The following CAMTA1 variants were observed in gnomAD, a reference collection of about 807,000 sequenced individuals.
CAMTA1 encodes the protein calmodulin binding transcription activator 1.
CAMTA1 carries 27 observed loss-of-function variants against 170.9 expected under a neutral mutation model. The ratio of observed to expected loss-of-function variants is 0.16; its 90% confidence interval spans 0.12 to 0.22. The LOEUF is 0.22. CAMTA1 is among the 10% of genes least tolerant of loss of function. The pLI is 1.00. For synonymous variants in CAMTA1, 833 were observed against 891.5 expected (o/e 0.93, Z 1.17); for missense variants, 1,619 against 2,217.2 (o/e 0.73, Z 5.42).
chr1:6,855,579 C>T (rs750812479), intron 3 of CAMTA1, among the ~76,000 whole-genome samples: 1 of 151,870 alleles, frequency 6.6e-6, no homozygotes, highest in African/African-American at 2.4e-5. Context: ...TGAAGGTGCA[C>T]CCCCATGATC....
chr1:6,797,217 G>A (rs909070910), intron 1 of CAMTA1, among the ~76,000 whole-genome samples: 3 of 152,034 alleles, frequency 2.0e-5, no homozygotes, highest in Admixed American at 1.3e-4. Context: ...CTATAGGTGC[G>A]TGCCACCATG....
At chr1:7,507,159 CACA>C (rs2094130599) in intron 6 of CAMTA1, among the ~76,000 whole-genome samples, 1 of 151,318 alleles carries the variant, frequency 6.6e-6, no homozygotes, top group Non-Finnish European at 1.5e-5. Flanking sequence ...CCCACACTCA[CACA>C]ACACACACGC....
intron 3 of CAMTA1, among the ~76,000 whole-genome samples, chr1:6,958,861 A>G (rs146652633): frequency 6.6e-6 from 1 of 152,308 alleles, no homozygotes; most frequent in African/African-American, 2.4e-5. Context: ...TTAAGCGGAT[A>G]GTAAAATTAA....
chr1:7,418,080 C>T (rs774236390), intron 5 of CAMTA1, among the ~76,000 whole-genome samples: 3 of 147,654 alleles, frequency 2.0e-5, no homozygotes, highest in Non-Finnish European at 3.0e-5. Context: ...GTTTCCAAGA[C>T]ACCACCTTCT....
rs915970840 is a variant in CAMTA1, at chr1:7,681,376, G to A, written c.2914+3643G>A. Among the ~76,000 whole-genome samples, 1 of 152,220 alleles carries A rather than the reference G, an allele frequency of 6.6e-6. No individual in the cohort carries two copies. The highest frequency in any genetic ancestry group is 1.5e-5 in the Non-Finnish European group (1 of 68,034). On this transcript the variant is annotated intron_variant, in intron 11 of 22. Transcript: ENST00000303635. This position sits in a 1 kb window ranked among gnomAD's most constrained non-coding sequence, Gnocchi z 4.6. ...TGGTGAGACCTGAAGCCTGAGCAGG[G>A]TTAGCCCGGGAAGAGGGGGCATCAA...
intron 11 of CAMTA1, among the ~76,000 whole-genome samples, chr1:7,704,473 C>G (rs1284309596): frequency 6.9e-6 from 1 of 145,982 alleles, no homozygotes; most frequent in Non-Finnish European, 1.5e-5. Flanking sequence ...GCCCGGCTCT[C>G]GCGCGGGGAC....
intron 3 of CAMTA1, among the ~76,000 whole-genome samples, chr1:6,960,803 A>C (rs1690264379): frequency 6.6e-6 from 1 of 152,174 alleles, no homozygotes; most frequent in South Asian, 2.1e-4. Flanking sequence ...TGGATGGTTT[A>C]ATTTGATTTC....
intron 5 of CAMTA1, among the ~76,000 whole-genome samples, chr1:7,327,759 C>T (rs2082779369): frequency 6.6e-6 from 1 of 152,324 alleles, no homozygotes; most frequent in Admixed American, 6.5e-5. Flanking sequence ...TTTTTTCTTA[C>T]ATCTCAGACC....
intron 4 of CAMTA1, among the ~76,000 whole-genome samples, chr1:7,203,308 C>T (rs887130618): frequency 1.3e-5 from 2 of 152,010 alleles, no homozygotes; most frequent in South Asian, 2.1e-4. Flanking sequence ...GAATAATTTT[C>T]TTATAATGTT....
At chr1:7,370,412 C>T (rs905359866) in intron 5 of CAMTA1, 3 of 152,164 alleles carry the variant, frequency 2.0e-5, no homozygotes, top group African/African-American at 7.2e-5. Flanking sequence ...CTGCTACAAT[C>T]CAAAGACTTT....
chr1:6,840,412 G>T (rs905651647), intron 3 of CAMTA1, among the ~76,000 whole-genome samples: 1 of 152,172 alleles, frequency 6.6e-6, no homozygotes, highest in African/African-American at 2.4e-5. Flanking sequence ...GAGGGAGTGA[G>T]AAGTGGATGT....
At chr1:7,548,266 G>C (rs1294043153) in intron 6 of CAMTA1, among the ~76,000 whole-genome samples, 3 of 152,172 alleles carry the variant, frequency 2.0e-5, no homozygotes, top group Non-Finnish European at 4.4e-5. Flanking sequence ...GTTTCCAGCA[G>C]CTCCTTTGCC....
rs908314630 is a variant in CAMTA1 at position 7,654,372 on chromosome 1, CCT to C, written c.665-7353_665-7352del. Among the ~76,000 whole-genome samples, 11 of 151,706 alleles carry C rather than the reference CCT, an allele frequency of 7.3e-5. No homozygotes were observed. The East Asian group carries it at 1.5e-3, about 21-fold the overall frequency. ...TCCAGCCTGGGTGACAGAGTGAGAC[CCT>C]GTCTCAAAAAATAAATAAATAAATA... is the stretch of plus-strand genomic sequence containing the variant. On this transcript the variant is annotated intron_variant, in intron 7 of 22. Coordinates refer to ENST00000303635, the MANE Select transcript of CAMTA1 (RefSeq NM_015215.4).
chr1:6,828,173 C>G (rs770600575), intron 3 of CAMTA1, among the ~76,000 whole-genome samples: 19 of 151,832 alleles, frequency 1.3e-4, no homozygotes, highest in Non-Finnish European at 2.1e-4. Flanking sequence ...TAATGTGACT[C>G]CTCTATACTA....
At chr1:7,182,876 G>C (rs1462311244) in intron 4 of CAMTA1, among the ~76,000 whole-genome samples, 1 of 152,210 alleles carries the variant, frequency 6.6e-6, no homozygotes, top group African/African-American at 2.4e-5. Context: ...AAATGGCTTT[G>C]AGCTGTCATT....
chr1:7,499,801 G>T (rs1415121772), intron 6 of CAMTA1, among the ~76,000 whole-genome samples: 18 of 144,410 alleles, frequency 1.2e-4, no homozygotes, highest in Non-Finnish European at 2.3e-4. Flanking sequence ...GTGTGGAGAG[G>T]ATTGTGTGAG....
chr1:7,727,458 G>A (rs1488839250), intron 11 of CAMTA1, among the ~76,000 whole-genome samples: 3 of 152,124 alleles, frequency 2.0e-5, no homozygotes, highest in South Asian at 2.1e-4. Flanking sequence ...AGGTTTGTTC[G>A]GGCTGCAGAA....
intron 3 of CAMTA1, chr1:6,871,939 T>C (rs879766222): frequency 2.0e-4 from 269 of 1,339,866 alleles, no homozygotes; most frequent in Non-Finnish European, 2.2e-4. Flanking sequence ...TTTCCTCAAA[T>C]AGAGATACCC....
chr1:7,705,223 G>A (rs2096500492), intron 11 of CAMTA1, among the ~76,000 whole-genome samples: 2 of 151,224 alleles, frequency 1.3e-5, no homozygotes, highest in Admixed American at 1.3e-4. Context: ...AGTGTGAGGA[G>A]CAAGGGTGAG....
Sources: allele counts gnomAD v4.1 joint callset (sites outside exome capture counted in the v4.1 genomes callset), GRCh38; gene constraint gnomAD v4.1.1; non-coding constraint Gnocchi (gnomAD v3.1); transcripts MANE v1.5; gene names NCBI Gene and HGNC (gene_info 2026-07-23, HGNC 2026-07-21).